Variants in SCAF4 observed in about 807,000 individuals in gnomAD.
SCAF4 encodes SR-related and CTD-associated factor 4.
SCAF4 carries 25 observed loss-of-function variants against 129.8 expected under a neutral mutation model. The ratio of observed to expected loss-of-function variants is 0.19; its 90% confidence interval spans 0.14 to 0.27. The LOEUF (loss-of-function observed/expected upper bound fraction) is 0.27. SCAF4 is among the 10% of genes least tolerant of loss of function. The pLI is 1.00. For missense variants in SCAF4, 1,246 were observed against 1,457.1 expected (o/e 0.86, Z 2.36); for synonymous variants, 551 against 497.7 (o/e 1.11, Z -1.43).
Position 31,721,767 on chromosome 21 carries a change from C to T in SCAF4, c.30+9896G>A, listed in dbSNP as rs150691617. Among the ~76,000 whole-genome samples the T allele has an allele frequency of 2.0e-4, 29 of 142,670 alleles. No homozygotes were observed. The East Asian group carries it at 5.7e-3, about 28-fold the overall frequency. The allele number at this position is 142,670 out of a possible 152,430, so 93.6% of individuals were successfully genotyped here. A position where few individuals can be genotyped will look rare whatever the true frequency, so the allele number is the denominator to read the frequency against. On this transcript the variant is annotated intron_variant, in intron 1 of 19. Transcript: ENST00000286835. Reference sequence around the variant, plus strand: ...TTTGAGATGGAATCTCGCTCTGTTGCCCGGGCTGGAGTGCACAGGCACAAT... The same window carrying T: ...TTTGAGATGGAATCTCGCTCTGTTGTCCGGGCTGGAGTGCACAGGCACAAT...
chr21:31,703,752 A>G lies in SCAF4; in HGVS notation c.321+13T>C. On this transcript the variant is annotated intron_variant, in intron 4 of 19. Transcript: ENST00000286835. ...TTAAAGAATACAAGTTTTAGTTTAAAAATTAATTATACCTTATCTTCAGAT... is the reference window on the plus strand; with the variant it reads ...TTAAAGAATACAAGTTTTAGTTTAAGAATTAATTATACCTTATCTTCAGAT... 3.7e-6 allele frequency: 5 copies of G among 1,367,682 alleles called. No individual in the cohort carries two copies. The highest frequency in any genetic ancestry group is 4.1e-6 in the Non-Finnish European group (4 of 986,618). 84.7% of individuals were successfully genotyped at this position (1,367,682 alleles called of 1,614,324 possible). A position where few individuals can be genotyped will look rare whatever the true frequency, so the allele number is the denominator to read the frequency against.
At position 31,671,046 on chromosome 21, in the gene SCAF4, TAG is replaced by T. The variant is rs1326489380; in HGVS notation, c.*351_*352del. The T allele has an allele frequency of 3.6e-5, 7 of 195,554 alleles. No homozygotes were observed. The highest frequency in any genetic ancestry group is 1.6e-4 in the Admixed American group (3 of 18,652). The allele number at this position is 195,554 out of a possible 1,614,324, so 12.1% of individuals were successfully genotyped here. A position where few individuals can be genotyped will look rare whatever the true frequency, so the allele number is the denominator to read the frequency against. On this transcript the variant is annotated 3_prime_UTR_variant, in exon 20 of 20. Coordinates refer to ENST00000286835, the MANE Select transcript of SCAF4 (RefSeq NM_020706.2). ...CACACATTAAAGTTTGTTACGAAAA[TAG>T]AGTTTATTAAAAACATCCCTATTGT...
intron 9 of SCAF4, among the ~76,000 whole-genome samples, 186 bp from the exon 10 acceptor site, chr21:31,695,166 A>C (rs1476275457): frequency 6.6e-6 from 1 of 152,246 alleles, no homozygotes; most frequent in East Asian, 1.9e-4. Context: ...CCAAGTATAT[A>C]GGTTAAAAAT....
intron 3 of SCAF4, 76 bp from the exon 4 acceptor site, chr21:31,704,002 G>A (rs2050594254): frequency 1.1e-6 from 1 of 937,834 alleles, no homozygotes; most frequent in Non-Finnish European, 1.6e-6. Context: ...TCACATTTAT[G>A]AAACTTTTAT....
intron 19 of SCAF4, among the ~76,000 whole-genome samples, chr21:31,680,905 GGGATC>G (rs2049980176): frequency 6.6e-6 from 1 of 152,190 alleles, no homozygotes; most frequent in East Asian, 1.9e-4. Context: ...GGCAGTTTCA[GGGATC>G]ATAACGATAG....
intron 19 of SCAF4, among the ~76,000 whole-genome samples, chr21:31,672,932 T>C (rs757064933): frequency 1.4e-4 from 22 of 152,228 alleles, no homozygotes; most frequent in Non-Finnish European, 3.1e-4. Context: ...CACTAATGTC[T>C]ACAAAACAAA....
intron 4 of SCAF4, among the ~76,000 whole-genome samples, chr21:31,703,039 T>A (rs2050572488): frequency 6.6e-6 from 1 of 152,152 alleles, no homozygotes; most frequent in Non-Finnish European, 1.5e-5. Context: ...ATCTGTAATG[T>A]TTTTCTACTT....
In SCAF4 at chr21:31,702,235, T is replaced by G; in HGVS notation, c.457+9A>C. On this transcript the variant is annotated intron_variant, in intron 5 of 19. Coordinates refer to ENST00000286835, the MANE Select transcript of SCAF4 (RefSeq NM_020706.2). Reference sequence around the variant, plus strand: ...CATTGTGTGAGCTCACAGATACATCTGACCATACCTTCATTATTGGTAACA... The same window carrying G: ...CATTGTGTGAGCTCACAGATACATCGGACCATACCTTCATTATTGGTAACA... 1.2e-6 allele frequency: 2 copies of G among 1,614,076 alleles called. No individual in the cohort carries two copies. Among genetic ancestry groups the G allele is most frequent in the Non-Finnish European group, 1.7e-6 (2 of 1,179,966 alleles).
chr21:31,690,709 T>A, intron 15 of SCAF4, 88 bp downstream of exon 15: 1 of 1,222,372 alleles, frequency 8.2e-7, no homozygotes, highest in Non-Finnish European at 1.1e-6. Context: ...AAAAATCACG[T>A]CCTAATGCAA....
chr21:31,689,253 C>A (rs149164987), intron 15 of SCAF4, among the ~76,000 whole-genome samples: 57 of 152,004 alleles, frequency 3.7e-4, no homozygotes, highest in African/African-American at 1.3e-3. Flanking sequence ...ATTGTTTCAT[C>A]TCTTTTTGGC....
chr21:31,690,993 CA>C lies in SCAF4; in HGVS notation c.1729-41del, dbSNP rs1412694026. 1.9e-6 allele frequency: 3 copies of C among 1,558,096 alleles called. No individual in the cohort carries two copies. In the Admixed American group the frequency reaches 5.4e-5, roughly 28 times the overall value. ...GTGAAAATATAAAAAGAAAACAAAG[CA>C]AGGTCGTAAGTCTTGAGGGTATTAT... On this transcript the variant is annotated intron_variant, in intron 14 of 19. Transcript: ENST00000286835.
chr21:31,696,483 T>C, intron 8 of SCAF4, 86 bp downstream of exon 8: 1 of 1,244,824 alleles, frequency 8.0e-7, no homozygotes, highest in Non-Finnish European at 1.1e-6. Flanking sequence ...CATAGAACAT[T>C]GTTGTCATTG....
intron 1 of SCAF4, 132 bp downstream of exon 1, chr21:31,731,531 G>A (rs2051358814): frequency 9.2e-7 from 1 of 1,090,850 alleles, no homozygotes; most frequent in Non-Finnish European, 1.3e-6. Context: ...GCTCCGCGCA[G>A]GCCCCGCCGC....
chr21:31,731,790 G>T lies in SCAF4; in HGVS notation c.-98C>A. ...GGAAACCAGCCGGGCCTGGTGGCCG[G>T]GGGGAGGCGACGAGCGGCGGAGTCC... On this transcript the variant is annotated 5_prime_UTR_variant, in exon 1 of 20. Coordinates refer to ENST00000286835, the MANE Select transcript of SCAF4 (RefSeq NM_020706.2). The T allele has an allele frequency of 3.6e-6, 5 of 1,371,302 alleles. No homozygotes were observed. Among genetic ancestry groups the T allele is most frequent in the African/African-American group, 1.5e-5 (1 of 66,468 alleles). The allele number at this position is 1,371,302 out of a possible 1,614,324, so 84.9% of individuals were successfully genotyped here.
chr21:31,702,606 C>T (rs574987536), intron 4 of SCAF4, among the ~76,000 whole-genome samples: 1 of 151,820 alleles, frequency 6.6e-6, no homozygotes, highest in Non-Finnish European at 1.5e-5. Context: ...TAGACCCAGA[C>T]AATAAAAAGA....
chr21:31,684,800 T>G (rs1368151416), intron 19 of SCAF4: 68 of 499,364 alleles, frequency 1.4e-4, no homozygotes. Context: ...AAACTTTTAT[T>G]CAAGACAGAC....
At chr21:31,704,936 T>A (rs997806361) in intron 3 of SCAF4, among the ~76,000 whole-genome samples, 3 of 152,168 alleles carry the variant, frequency 2.0e-5, no homozygotes, top group African/African-American at 4.8e-5. Context: ...CAGCTCCAGG[T>A]CAGGGGTTAA....
chr21:31,689,730 C>A (rs1381512546), intron 15 of SCAF4, among the ~76,000 whole-genome samples: 1 of 150,618 alleles, frequency 6.6e-6, no homozygotes, highest in Non-Finnish European at 1.5e-5. Context: ...GTCAGGAGTT[C>A]GAGGCCAGCC....
intron 1 of SCAF4, chr21:31,706,995 C>A: frequency 3.3e-6 from 1 of 299,644 alleles, no homozygotes. Context: ...GAGGGAATCC[C>A]AGTTCATCCC....
Sources: gnomAD v4.1 joint callset for allele counts (sites outside exome capture counted in the v4.1 genomes callset) on GRCh38, gnomAD v4.1.1 for gene constraint, MANE v1.5 for transcripts, NCBI Gene and HGNC (gene_info 2026-07-23, HGNC 2026-07-21) for gene names.